Variants in SDK1 observed in about 807,000 individuals in gnomAD.
SDK1 encodes sidekick cell adhesion molecule 1, also known as protein sidekick-1.
A neutral mutation model predicts 245.5 loss-of-function variants in SDK1; 157 were observed. The ratio of observed to expected loss-of-function variants is 0.64; its 90% CI spans 0.56 to 0.73. SDK1 has a LOEUF of 0.73. Ranked by LOEUF, SDK1 falls within the 30% of genes least tolerant of loss-of-function variation. The probability of loss-of-function intolerance (pLI) is 0.00; values close to 1 mark genes in which losing one functional copy is unlikely to be tolerated. For missense variants in SDK1, 3,583 were observed against 3,002.3 expected (o/e 1.19, Z -4.52); for synonymous variants, 1,647 against 1,278.5 (o/e 1.29, Z -6.15).
At chr7:4,170,827 A>G (rs1781795292) in intron 32 of SDK1, among the ~76,000 whole-genome samples, 1 of 152,092 alleles carries the variant, frequency 6.6e-6, no homozygotes, top group South Asian at 2.1e-4. Context: ...GCGGCCCGGC[A>G]TGGGGGAGCT....
At chr7:3,685,042 A>G (rs1436830580) in intron 4 of SDK1, among the ~76,000 whole-genome samples, 2 of 152,142 alleles carry the variant, frequency 1.3e-5, no homozygotes, top group African/African-American at 2.4e-5. Context: ...TCATAAGGAG[A>G]TGAGAAAGAA....
chr7:3,940,441 C>G (rs1343772405), intron 5 of SDK1, among the ~76,000 whole-genome samples: 1 of 152,200 alleles, frequency 6.6e-6, no homozygotes, highest in Admixed American at 6.5e-5. Context: ...AATGCCTGTT[C>G]GTTTGGAAAA....
intron 1 of SDK1, among the ~76,000 whole-genome samples, chr7:3,492,203 GTCTT>G (rs1374370045): frequency 5.3e-5 from 8 of 152,156 alleles, no homozygotes; most frequent in Admixed American, 1.3e-4. Flanking sequence ...TTTCTGTTCA[GTCTT>G]TCTTCTCTGC....
chr7:4,054,512 A>G (rs1779085069), intron 19 of SDK1, among the ~76,000 whole-genome samples: 1 of 152,178 alleles, frequency 6.6e-6, no homozygotes, highest in Non-Finnish European at 1.5e-5. Flanking sequence ...TACCACGATA[A>G]TCAAGATCTT....
chr7:4,011,222 C>T, intron 15 of SDK1, 109 bp downstream of exon 15: 1 of 1,373,570 alleles, frequency 7.3e-7, no homozygotes, highest in Non-Finnish European at 9.9e-7. Flanking sequence ...CGCTGGCTTC[C>T]CTCAGGGAGA....
intron 28 of SDK1, among the ~76,000 whole-genome samples, chr7:4,144,922 C>T (rs925876872): frequency 6.6e-6 from 1 of 152,186 alleles, no homozygotes; most frequent in Non-Finnish European, 1.5e-5. Context: ...AGCCGCTGGA[C>T]CACACGTTGT....
chr7:3,857,725 G>A (rs1290887764), intron 5 of SDK1, among the ~76,000 whole-genome samples: 2 of 151,794 alleles, frequency 1.3e-5, no homozygotes, highest in Non-Finnish European at 2.9e-5. Flanking sequence ...ATAATAAACT[G>A]AATATTAGGA....
rs535994859 is a variant in SDK1, at chr7:4,095,382, A to G, written c.3325-15281A>G. On this transcript the variant is annotated intron_variant, in intron 22 of 44. Transcript: ENST00000404826. ...TGAGGTCTATGTGTAGCGGACCTGC[A>G]TAGCCAACCCATTTGGTGGGAGTCC... 1.1e-3 allele frequency among the ~76,000 whole-genome samples: 173 copies of G among 152,246 alleles called. 1 individual carries two copies. Among genetic ancestry groups the G allele is most frequent in the African/African-American group, 3.8e-3 (157 of 41,548 alleles).
intron 1 of SDK1, among the ~76,000 whole-genome samples, chr7:3,422,210 C>T (rs993299684): frequency 6.6e-6 from 1 of 152,048 alleles, no homozygotes; most frequent in Non-Finnish European, 1.5e-5. Context: ...TAATTCTATA[C>T]CCAGCCAAAC....
intron 1 of SDK1, among the ~76,000 whole-genome samples, chr7:3,526,260 T>C (rs1375559378): frequency 6.6e-6 from 1 of 152,068 alleles, no homozygotes; most frequent in Non-Finnish European, 1.5e-5. Flanking sequence ...AATCACACTG[T>C]GACCTTTATA....
intron 4 of SDK1, among the ~76,000 whole-genome samples, chr7:3,804,505 C>T (rs954637206): frequency 1.5e-4 from 23 of 152,112 alleles, no homozygotes; most frequent in Non-Finnish European, 2.2e-4. Flanking sequence ...TAGACTTATT[C>T]CTCCCACTTT....
At chr7:3,503,487 G>A (rs1048506878) in intron 1 of SDK1, among the ~76,000 whole-genome samples, 1 of 151,890 alleles carries the variant, frequency 6.6e-6, no homozygotes, top group Admixed American at 6.6e-5. Context: ...GAGACCAGCC[G>A]GGCAATATAG....
In SDK1 at chr7:3,692,800, A is replaced by C. The variant is rs912235219; in HGVS notation, c.713+50695A>C. On this transcript the variant is annotated intron_variant, in intron 4 of 44. Transcript: ENST00000404826. ...TCCCCTGTATTCTAGAATCGCATCG[A>C]TTTATACATGCCTTCAAGTGGTATT... 2.0e-5 allele frequency among the ~76,000 whole-genome samples: 3 copies of C among 152,132 alleles called. No individual in the cohort carries two copies. The South Asian group carries it at 6.2e-4, about 31-fold the overall frequency.
At chr7:3,336,852 C>A (rs891023945) in intron 1 of SDK1, among the ~76,000 whole-genome samples, 1 of 152,110 alleles carries the variant, frequency 6.6e-6, no homozygotes, top group African/African-American at 2.4e-5. Context: ...GAGTCATCAC[C>A]CCACTTTTGT....
At chr7:3,575,724 T>C (rs1256923280) in intron 1 of SDK1, among the ~76,000 whole-genome samples, 2 of 151,852 alleles carry the variant, frequency 1.3e-5, no homozygotes, top group Non-Finnish European at 2.9e-5. Context: ...AAACTCTTCA[T>C]TTTTTTTGTT....
At chr7:3,920,232 G>A (rs183123872) in intron 5 of SDK1, among the ~76,000 whole-genome samples, 1 of 152,312 alleles carries the variant, frequency 6.6e-6, no homozygotes, top group East Asian at 1.9e-4. Flanking sequence ...GGGTCGGGGT[G>A]ATTCGTTGAA....
chr7:3,839,792 T>C (rs946310546), intron 5 of SDK1, among the ~76,000 whole-genome samples: 1 of 152,140 alleles, frequency 6.6e-6, no homozygotes, highest in Non-Finnish European at 1.5e-5. Flanking sequence ...ATAGCAATTA[T>C]GATGGATAAT....
chr7:4,215,394 C>A (rs557697351), intron 38 of SDK1, among the ~76,000 whole-genome samples: 7 of 152,360 alleles, frequency 4.6e-5, no homozygotes, highest in African/African-American at 1.4e-4. Flanking sequence ...TTCGCTTCAG[C>A]CAGCGGGACA....
intron 1 of SDK1, among the ~76,000 whole-genome samples, chr7:3,356,571 T>C (rs1780801290): frequency 6.6e-6 from 1 of 152,324 alleles, no homozygotes; most frequent in East Asian, 1.9e-4. Flanking sequence ...TTTCTGTGTG[T>C]ATTCTGAAGA....
Sources: gnomAD v4.1 joint callset for allele counts (sites outside exome capture counted in the v4.1 genomes callset) on GRCh38, gnomAD v4.1.1 for gene constraint, MANE v1.5 for transcripts, NCBI Gene and HGNC (gene_info 2026-07-23, HGNC 2026-07-21) for gene names.